Variants in NCOA3 observed in about 807,000 individuals in gnomAD.
NCOA3 encodes nuclear receptor coactivator 3.
In NCOA3, 51 loss-of-function variants were observed where a neutral mutation model predicts 158.8. That is an observed-to-expected ratio of 0.32 (90% confidence interval 0.26 to 0.41). The LOEUF is 0.41. Ranked by LOEUF, NCOA3 falls within the 10% of genes least tolerant of loss-of-function variation. The pLI, the probability that NCOA3 is intolerant of heterozygous loss-of-function variation, is 1.00. For synonymous variants in NCOA3, 537 were observed against 592.4 expected (o/e 0.91, Z 1.36); for missense variants, 1,510 against 1,746.6 (o/e 0.86, Z 2.41).
At chr20:47,627,824 T>C in intron 7 of NCOA3, 75 bp downstream of exon 7, 7 of 1,577,362 alleles carry the variant, frequency 4.4e-6, no homozygotes, top group Non-Finnish European at 5.2e-6. Context: ...ACTTGTGTTG[T>C]AACCCTTCTT....
intron 1 of NCOA3, among the ~76,000 whole-genome samples, chr20:47,521,161 C>T (rs957929553): frequency 6.6e-6 from 1 of 152,160 alleles, no homozygotes; most frequent in African/African-American, 2.4e-5. Context: ...GAGAGCTCAG[C>T]TTATTCGTCG....
intron 2 of NCOA3, among the ~76,000 whole-genome samples, chr20:47,596,582 TTTTC>T (rs1381759123): frequency 6.6e-6 from 1 of 152,096 alleles, no homozygotes; most frequent in Non-Finnish European, 1.5e-5. Flanking sequence ...AAAAAGTAAA[TTTTC>T]TTTCTTTTTT....
chr20:47,638,576 A>G (rs2086554539), intron 13 of NCOA3, among the ~76,000 whole-genome samples: 1 of 152,280 alleles, frequency 6.6e-6, no homozygotes, highest in African/African-American at 2.4e-5. Flanking sequence ...GGGATTTTAC[A>G]TTTTATTTCT....
At chr20:47,584,085 A>G (rs1463300763) in intron 2 of NCOA3, among the ~76,000 whole-genome samples, 1 of 152,210 alleles carries the variant, frequency 6.6e-6, no homozygotes, top group Non-Finnish European at 1.5e-5. Flanking sequence ...ACTTGAGGCC[A>G]GGAGTTGGAG....
At chr20:47,583,408 T>C (rs2085484749) in intron 2 of NCOA3, 147 bp downstream of exon 2, 1 of 387,110 alleles carries the variant, frequency 2.6e-6, no homozygotes, top group East Asian at 3.7e-5. Flanking sequence ...TGAATGTGCT[T>C]AGAGTACTTG....
intron 1 of NCOA3, among the ~76,000 whole-genome samples, chr20:47,573,123 G>C (rs895758555): frequency 6.6e-6 from 1 of 152,156 alleles, no homozygotes; most frequent in Non-Finnish European, 1.5e-5. Context: ...CGCAGGCTGG[G>C]CATGGTGGTT....
In NCOA3 at chr20:47,614,318, G is replaced by T. The variant is rs563032868; in HGVS notation, c.-19-7911G>T. On this transcript the variant is annotated intron_variant, in intron 2 of 22. Transcript: ENST00000371998. ...CTAAGTTGTCTGATTAGGAATTTGA[G>T]AATTTGGAATTTCAGTTTTGGGTAG... Among the ~76,000 whole-genome samples, 18 of 152,330 alleles carry T rather than the reference G, an allele frequency of 1.2e-4. No individual in the cohort carries two copies. The South Asian group carries it at 2.7e-3, about 23-fold the overall frequency.
At chr20:47,552,296 G>C (rs951504250) in intron 1 of NCOA3, among the ~76,000 whole-genome samples, 1 of 152,124 alleles carries the variant, frequency 6.6e-6, no homozygotes, top group Non-Finnish European at 1.5e-5. Flanking sequence ...CTATAAATTA[G>C]CCATAGCCCA....
At chr20:47,573,723 T>C (rs1419033753) in intron 1 of NCOA3, among the ~76,000 whole-genome samples, 1 of 152,216 alleles carries the variant, frequency 6.6e-6, no homozygotes, top group Non-Finnish European at 1.5e-5. Context: ...GAAAAACTAA[T>C]TTAATTTTAC....
At chr20:47,576,722 C>T (rs1482381242) in intron 1 of NCOA3, among the ~76,000 whole-genome samples, 1 of 152,196 alleles carries the variant, frequency 6.6e-6, no homozygotes, top group Non-Finnish European at 1.5e-5. Flanking sequence ...AGCATGCAGC[C>T]TGTGTTTCCT....
At chr20:47,532,751 G>A (rs1172223650) in intron 1 of NCOA3, among the ~76,000 whole-genome samples, 3 of 152,030 alleles carry the variant, frequency 2.0e-5, no homozygotes, top group African/African-American at 7.2e-5. Flanking sequence ...GGCATTATAG[G>A]TGTGAGCTAT....
At chr20:47,620,902 T>G (rs2086229957) in intron 2 of NCOA3, among the ~76,000 whole-genome samples, 1 of 152,216 alleles carries the variant, frequency 6.6e-6, no homozygotes. Flanking sequence ...TCCTTTAAAA[T>G]CTGGACTGTT....
chr20:47,557,094 TC>T (rs2085019462), intron 1 of NCOA3, among the ~76,000 whole-genome samples: 1 of 152,190 alleles, frequency 6.6e-6, no homozygotes, highest in East Asian at 1.9e-4. Flanking sequence ...ATCCTTTTTC[TC>T]CCATCTTTAC....
chr20:47,573,420 C>CAA (rs5841702), intron 1 of NCOA3, among the ~76,000 whole-genome samples: 37 of 150,934 alleles, frequency 2.5e-4, no homozygotes, highest in Middle Eastern at 3.2e-3. Context: ...AACAAACAAA[C>CAA]AAAAAAACAC....
At chr20:47,546,536 T>G (rs1351640227) in intron 1 of NCOA3, among the ~76,000 whole-genome samples, 3 of 151,410 alleles carry the variant, frequency 2.0e-5, no homozygotes, top group Non-Finnish European at 2.9e-5. Flanking sequence ...TGTTTTTTTT[T>G]TTTTTTTTTT....
intron 19 of NCOA3, 111 bp from the exon 20 acceptor site, chr20:47,650,871 A>AT: frequency 2.0e-6 from 2 of 1,023,870 alleles, no homozygotes; most frequent in Non-Finnish European, 2.9e-6. Context: ...AAAAAAAAGA[A>AT]GGCCCTGGGT....
chr20:47,597,482 C>CT (rs772828107), intron 2 of NCOA3, among the ~76,000 whole-genome samples: 1,850 of 125,300 alleles, frequency 0.015, 29 homozygotes, highest in African/African-American at 0.039. Flanking sequence ...CTAACCTGTG[C>CT]TTTTTTTTTT....
chr20:47,651,517 A>G (rs2086794349), intron 20 of NCOA3, among the ~76,000 whole-genome samples: 1 of 152,030 alleles, frequency 6.6e-6, no homozygotes, highest in Admixed American at 6.6e-5. Flanking sequence ...GAGTCCCCAA[A>G]CTCTGGAAGA....
At chr20:47,617,203 G>T (rs73624689) in intron 2 of NCOA3, among the ~76,000 whole-genome samples, 10,335 of 152,090 alleles carry the variant, frequency 0.068, 445 homozygotes, top group Non-Finnish European at 0.097. Context: ...TGATCCACCC[G>T]CCTCGGCCTC....
Sources: allele counts gnomAD v4.1 joint callset (sites outside exome capture counted in the v4.1 genomes callset), GRCh38; gene constraint gnomAD v4.1.1; transcripts MANE v1.5; gene names NCBI Gene and HGNC (gene_info 2026-07-23, HGNC 2026-07-21).